ASTN2: variants seen among roughly 807,000 people sequenced by gnomAD.
ASTN2 encodes astrotactin-2.
ASTN2 carries 54 observed loss-of-function variants against 139.8 expected under a neutral mutation model. That is an observed-to-expected ratio of 0.39 (90% CI 0.31 to 0.48). ASTN2 has a LOEUF of 0.48. Among genes scored for constraint, ASTN2 ranks in the 20% least tolerant of loss-of-function variants. ASTN2 has a pLI of 0.95. For synonymous variants in ASTN2, 756 were observed against 719.5 expected (o/e 1.05, Z -0.81); for missense variants, 1,565 against 1,725.1 (o/e 0.91, Z 1.64).
chr9:117,336,159 C>T (rs768228015), intron 1 of ASTN2, among the ~76,000 whole-genome samples: 3 of 151,486 alleles, frequency 2.0e-5, no homozygotes, highest in Non-Finnish European at 4.4e-5. Flanking sequence ...ACAGGAGGTG[C>T]TGGGGAATGG....
chr9:116,634,047 T>A (rs1026328362), intron 17 of ASTN2, among the ~76,000 whole-genome samples: 1 of 152,170 alleles, frequency 6.6e-6, no homozygotes, highest in African/African-American at 2.4e-5. Context: ...ACCAGACTCC[T>A]GGGTTCAAAT....
Position 116,781,478 on chromosome 9 carries a change from G to A in ASTN2, c.2396+24154C>T, listed in dbSNP as rs115553029. 5.5e-3 allele frequency among the ~76,000 whole-genome samples: 840 copies of A among 152,256 alleles called. 10 individuals carry two copies. Among genetic ancestry groups the A allele is most frequent in the African/African-American group, 0.019 (788 of 41,550 alleles). Reference sequence around the variant, plus strand: ...CAGACCTGGGGGGCAAATGTCACATGCCTATATCATTTGGATGTTTGCACA... The same window carrying A: ...CAGACCTGGGGGGCAAATGTCACATACCTATATCATTTGGATGTTTGCACA... On this transcript the variant is annotated intron_variant, in intron 13 of 22. Coordinates refer to ENST00000313400, the MANE Select transcript of ASTN2 (RefSeq NM_001365068.1).
chr9:116,607,673 ACACACAC>A (rs1564149421), intron 19 of ASTN2, among the ~76,000 whole-genome samples: 85 of 7,270 alleles, frequency 0.012, no homozygotes, highest in Middle Eastern at 0.17. Flanking sequence ...AGAAATTAAC[ACACACAC>A]ACACACACAC....
At chr9:116,709,407 A>C (rs1828080923) in intron 16 of ASTN2, among the ~76,000 whole-genome samples, 1 of 152,316 alleles carries the variant, frequency 6.6e-6, no homozygotes, top group African/African-American at 2.4e-5. Flanking sequence ...AGCTTGCTGG[A>C]AAGTTCCTGA....
intron 16 of ASTN2, chr9:116,687,040 G>A: frequency 7.4e-7 from 1 of 1,348,248 alleles, no homozygotes; most frequent in Non-Finnish European, 9.6e-7. Context: ...AGTCAGATAC[G>A]CATTCTGGCT....
chr9:117,110,743 T>G (rs182712353), intron 4 of ASTN2, among the ~76,000 whole-genome samples: 1 of 152,328 alleles, frequency 6.6e-6, no homozygotes, highest in East Asian at 1.9e-4. Context: ...ACAGGATGAA[T>G]TTCTCATCTT....
At chr9:117,397,953 C>A (rs984908158) in intron 1 of ASTN2, among the ~76,000 whole-genome samples, 1 of 152,206 alleles carries the variant, frequency 6.6e-6, no homozygotes, top group African/African-American at 2.4e-5. Context: ...TTCTCCTTTG[C>A]TGAGTTCAGT....
At chr9:116,451,258 A>G (rs1742812362) in intron 20 of ASTN2, among the ~76,000 whole-genome samples, 1 of 152,218 alleles carries the variant, frequency 6.6e-6, no homozygotes, top group South Asian at 2.1e-4. Context: ...TGAACACCAG[A>G]ACTCAGAAAT....
intron 19 of ASTN2, among the ~76,000 whole-genome samples, chr9:116,594,721 T>A (rs1210787192): frequency 1.3e-5 from 2 of 152,154 alleles, no homozygotes; most frequent in South Asian, 2.1e-4. Flanking sequence ...TAAGGCATGA[T>A]TCATCATGCA....
At chr9:116,593,301 C>T (rs527241269) in intron 19 of ASTN2, among the ~76,000 whole-genome samples, 18 of 152,262 alleles carry the variant, frequency 1.2e-4, no homozygotes, top group African/African-American at 2.9e-4. Context: ...GGGCGTGGGC[C>T]GAAGGCATGA....
chr9:117,262,417 A>ATTTATTTT lies in ASTN2; in HGVS notation c.630+28908_630+28909insAAAATAAA, dbSNP rs1554713371. Among the ~76,000 whole-genome samples, 17 of 149,954 alleles carry ATTTATTTT rather than the reference A, an allele frequency of 1.1e-4. No individual in the cohort carries two copies. In the South Asian group the frequency reaches 1.5e-3, roughly 13 times the overall value. On this transcript the variant is annotated intron_variant, in intron 2 of 22. Transcript: ENST00000313400. ...TCTTTTTTTATTTATTTATTTATTT[A>ATTTATTTT]TTTTTTATCTCCTTAGCATCCTTTC...
intron 6 of ASTN2, among the ~76,000 whole-genome samples, chr9:117,033,600 C>A (rs1201543740): frequency 6.6e-6 from 1 of 152,098 alleles, no homozygotes; most frequent in African/African-American, 2.4e-5. Context: ...ATACTCATTA[C>A]CCATATATCT....
chr9:116,964,256 T>TGTGTGCGC (rs1491183340), intron 10 of ASTN2, among the ~76,000 whole-genome samples: 211 of 98,904 alleles, frequency 2.1e-3, no homozygotes, highest in African/African-American at 6.3e-3. Flanking sequence ...TGTGTGTGTG[T>TGTGTGCGC]GCGCGCGCGC....
At chr9:116,782,556 G>C (rs921712336) in intron 13 of ASTN2, among the ~76,000 whole-genome samples, 16 of 152,164 alleles carry the variant, frequency 1.1e-4, no homozygotes. Context: ...GGATGCTTAA[G>C]TCAAGTAGAG....
chr9:116,610,612 A>C (rs530880757), intron 19 of ASTN2, among the ~76,000 whole-genome samples: 2 of 151,954 alleles, frequency 1.3e-5, no homozygotes, highest in South Asian at 4.2e-4. Context: ...TCAAAAAACA[A>C]AAAAAAAGTA....
chr9:117,412,203 G>A (rs1282930486), intron 1 of ASTN2, among the ~76,000 whole-genome samples: 21 of 152,106 alleles, frequency 1.4e-4, no homozygotes, highest in Admixed American at 1.2e-3. Flanking sequence ...CGTTGAGAGC[G>A]CCTAAAGCTG....
At chr9:116,499,151 A>T (rs1315954327) in intron 19 of ASTN2, among the ~76,000 whole-genome samples, 1 of 152,150 alleles carries the variant, frequency 6.6e-6, no homozygotes, top group African/African-American at 2.4e-5. Context: ...CACTAGTGAT[A>T]ATTTGTAGTT....
chr9:117,327,991 A>C (rs552727580), intron 1 of ASTN2, among the ~76,000 whole-genome samples: 36 of 152,312 alleles, frequency 2.4e-4, no homozygotes, highest in African/African-American at 8.7e-4. Context: ...CCAAAGGGAA[A>C]GTTAAAGGAC....
intron 19 of ASTN2, among the ~76,000 whole-genome samples, chr9:116,617,033 C>T (rs1277730035): frequency 6.6e-6 from 1 of 152,160 alleles, no homozygotes; most frequent in Non-Finnish European, 1.5e-5. Context: ...TGACCTGTCC[C>T]TCTGTGAAAG....
Sources: allele counts gnomAD v4.1 joint callset (sites outside exome capture counted in the v4.1 genomes callset), GRCh38; gene constraint gnomAD v4.1.1; transcripts MANE v1.5; gene names NCBI Gene and HGNC (gene_info 2026-07-23, HGNC 2026-07-21).